The following CARMIL1 variants were observed in gnomAD, a reference collection of about 807,000 sequenced individuals.
The protein encoded by CARMIL1 is F-actin-uncapping protein LRRC16A.
In CARMIL1, 90 loss-of-function variants were observed where a neutral mutation model predicts 177.1. That is an observed-to-expected ratio of 0.51 (90% confidence interval 0.43 to 0.61). The LOEUF is 0.61. Among genes scored for constraint, CARMIL1 ranks in the 20% least tolerant of loss-of-function variants. The probability of loss-of-function intolerance (pLI) is 0.00; values close to 1 mark genes in which losing one functional copy is unlikely to be tolerated. For missense variants in CARMIL1, 1,380 were observed against 1,667.0 expected (o/e 0.83, Z 3.00); for synonymous variants, 577 against 606.2 (o/e 0.95, Z 0.71).
intron 29 of CARMIL1, among the ~76,000 whole-genome samples, chr6:25,567,051 T>G (rs1056111466): frequency 2.0e-5 from 3 of 152,216 alleles, no homozygotes; most frequent in Non-Finnish European, 4.4e-5. Flanking sequence ...ATTTTTCAGA[T>G]GAGACTCTTA....
At chr6:25,370,429 T>C (rs1027218475) in intron 2 of CARMIL1, among the ~76,000 whole-genome samples, 3 of 152,228 alleles carry the variant, frequency 2.0e-5, no homozygotes, top group African/African-American at 7.2e-5. Flanking sequence ...TCACTGTGTT[T>C]ATTTTTGAGG....
Position 25,539,980 on chromosome 6 carries a change from T to A in CARMIL1, c.2230T>A (p.Ser744Thr). ...AAATTTATACCATGTTGGTGGTGCA[T>A]CTTGGGCGGGAGCCAGTGGCTTACT... ...LPNLYHVGGA[S>T]WAGASGLLSS... Residue 744 changes from serine (S) to threonine (T), a missense_variant, in exon 26 of 37, where the codon TCT (serine) becomes ACT (threonine). Coordinates refer to ENST00000329474, the MANE Select transcript of CARMIL1 (RefSeq NM_017640.6). 1 of 1,602,146 alleles carries A rather than the reference T, an allele frequency of 6.2e-7. No homozygotes were observed.
chr6:25,441,923 G>C (rs1350677184), intron 5 of CARMIL1, among the ~76,000 whole-genome samples: 3 of 151,584 alleles, frequency 2.0e-5, no homozygotes, highest in Non-Finnish European at 2.9e-5. Flanking sequence ...AAATGATATT[G>C]TTAATACAGG....
chr6:25,534,591 TATATC>T (rs1808106878), intron 24 of CARMIL1, among the ~76,000 whole-genome samples: 1 of 152,190 alleles, frequency 6.6e-6, no homozygotes, highest in Non-Finnish European at 1.5e-5. Flanking sequence ...TTTAAAAGCT[TATATC>T]ATTCATTTAT....
chr6:25,374,288 A>C (rs1238131313), intron 2 of CARMIL1, among the ~76,000 whole-genome samples: 2 of 152,210 alleles, frequency 1.3e-5, no homozygotes, highest in East Asian at 3.8e-4. Flanking sequence ...TTGTTCACCT[A>C]AAAGTCATAC....
At chr6:25,563,805 A>C in intron 29 of CARMIL1, 1 of 985,394 alleles carries the variant, frequency 1.0e-6, no homozygotes, top group Non-Finnish European at 1.2e-6. Context: ...CGTCTGTGTA[A>C]ATCACTTGAA....
In CARMIL1 at chr6:25,573,590, C is replaced by CAAAAA. The variant is rs5875051; in HGVS notation, c.2743-7317_2743-7313dup. Among the ~76,000 whole-genome samples, 399 of 69,912 alleles carry CAAAAA rather than the reference C, an allele frequency of 5.7e-3. 6 individuals are homozygous for CAAAAA. The highest frequency in any genetic ancestry group is 9.6e-3 in the Middle Eastern group (1 of 104). The allele number at this position is 69,912 out of a possible 152,430, so 45.9% of individuals were successfully genotyped here. A position where few individuals can be genotyped will look rare whatever the true frequency, so the allele number is the denominator to read the frequency against. ...AGAAAACGGAGGGTTTACCTCTAAG[C>CAAAAA]AAAAAAAAAAAAAAAAAAAAATCCT... is the stretch of plus-strand genomic sequence containing the variant. On this transcript the variant is annotated intron_variant, in intron 29 of 36. Transcript: ENST00000329474.
intron 32 of CARMIL1, among the ~76,000 whole-genome samples, chr6:25,595,147 A>G (rs1814702751): frequency 6.6e-6 from 1 of 152,210 alleles, no homozygotes; most frequent in South Asian, 2.1e-4. Context: ...TTTTGTTAAC[A>G]GTTCTTTAAC....
chr6:25,377,617 A>C (rs1791121023), intron 2 of CARMIL1, among the ~76,000 whole-genome samples: 3 of 152,136 alleles, frequency 2.0e-5, no homozygotes, highest in Admixed American at 6.5e-5. Context: ...GAGTGCTGTG[A>C]GATTCCTTGG....
chr6:25,377,818 G>A (rs1314221400), intron 2 of CARMIL1, among the ~76,000 whole-genome samples: 1 of 152,174 alleles, frequency 6.6e-6, no homozygotes, highest in Non-Finnish European at 1.5e-5. Context: ...AATCTCCTAT[G>A]TCAGTTGGCC....
At chr6:25,300,613 C>T (rs1356651642) in intron 2 of CARMIL1, among the ~76,000 whole-genome samples, 1 of 152,222 alleles carries the variant, frequency 6.6e-6, no homozygotes, top group African/African-American at 2.4e-5. Context: ...CGTGCTACTG[C>T]ACTCCAGCCT....
chr6:25,391,947 C>T (rs1251241438), intron 2 of CARMIL1, among the ~76,000 whole-genome samples: 2 of 152,112 alleles, frequency 1.3e-5, no homozygotes, highest in Non-Finnish European at 2.9e-5. Context: ...GTGAGAAACT[C>T]AATGACAGAG....
chr6:25,396,760 T>G (rs1046056337), intron 2 of CARMIL1, among the ~76,000 whole-genome samples: 30 of 152,186 alleles, frequency 2.0e-4, no homozygotes, highest in African/African-American at 7.2e-4. Context: ...CTTTTCTACT[T>G]CTAAAACTGC....
intron 2 of CARMIL1, among the ~76,000 whole-genome samples, chr6:25,344,495 T>G (rs1332432377): frequency 6.6e-6 from 1 of 152,190 alleles, no homozygotes; most frequent in Non-Finnish European, 1.5e-5. Flanking sequence ...AGGCCAAATG[T>G]GCTTGGAGAA....
At chr6:25,453,426 C>T (rs1799187160) in intron 8 of CARMIL1, among the ~76,000 whole-genome samples, 1 of 152,164 alleles carries the variant, frequency 6.6e-6, no homozygotes, top group African/African-American at 2.4e-5. Flanking sequence ...GCAACTATCA[C>T]ACAAACACTT....
chr6:25,485,445 T>A (rs555204706), intron 12 of CARMIL1, among the ~76,000 whole-genome samples: 1 of 152,362 alleles, frequency 6.6e-6, no homozygotes, highest in South Asian at 2.1e-4. Context: ...AGACGGAGTC[T>A]CGCTCTGTCG....
At chr6:25,450,043 C>T in intron 6 of CARMIL1, 48 bp downstream of exon 6, 1 of 1,457,298 alleles carries the variant, frequency 6.9e-7, no homozygotes, top group Non-Finnish European at 9.4e-7. Context: ...GATGGATATC[C>T]CCCTGCCAGG....
intron 2 of CARMIL1, among the ~76,000 whole-genome samples, chr6:25,311,986 C>T (rs941776519): frequency 2.6e-5 from 4 of 152,214 alleles, no homozygotes; most frequent in African/African-American, 9.6e-5. Flanking sequence ...TCACATATAG[C>T]ATTTGCTAGG....
At chr6:25,404,492 C>G (rs1794177592) in intron 2 of CARMIL1, among the ~76,000 whole-genome samples, 1 of 152,178 alleles carries the variant, frequency 6.6e-6, no homozygotes, top group African/African-American at 2.4e-5. Flanking sequence ...CGCGGTGGCT[C>G]ATGCCTATAA....
Sources: gnomAD v4.1 joint callset for allele counts (sites outside exome capture counted in the v4.1 genomes callset) on GRCh38, gnomAD v4.1.1 for gene constraint, MANE v1.5 for transcripts, NCBI Gene and HGNC (gene_info 2026-07-23, HGNC 2026-07-21) for gene names.